PRR14L: variants seen among roughly 807,000 people sequenced by gnomAD.
PRR14L encodes the protein protein PRR14L.
In PRR14L, 80 loss-of-function variants were observed where a neutral mutation model predicts 155.0. The observed-to-expected ratio is 0.52, with a 90% CI of 0.43 to 0.62. The LOEUF is 0.62. PRR14L is among the 20% of genes least tolerant of loss of function. The pLI, the probability that PRR14L is intolerant of heterozygous loss-of-function variation, is 0.00. For synonymous variants in PRR14L, 883 were observed against 916.0 expected, an observed-to-expected ratio of 0.96 and a Z score of 0.65; for missense variants, 2,469 against 2,548.0, an observed-to-expected ratio of 0.97 and a Z score of 0.67.
chr22:31,694,522 C>T (rs1052251245), intron 7 of PRR14L, among the ~76,000 whole-genome samples: 1 of 151,804 alleles, frequency 6.6e-6, no homozygotes, highest in Admixed American at 6.6e-5. Flanking sequence ...CTGAGGTGGG[C>T]GGATCATGAG....
intron 7 of PRR14L, among the ~76,000 whole-genome samples, chr22:31,692,509 A>C (rs535498761): frequency 6.6e-6 from 1 of 152,340 alleles, no homozygotes; most frequent in African/African-American, 2.4e-5. Flanking sequence ...CATTTAAAAA[A>C]TATGGGTTAT....
intron 1 of PRR14L, among the ~76,000 whole-genome samples, chr22:31,743,088 G>A (rs192372261): frequency 2.6e-5 from 4 of 152,228 alleles, no homozygotes; most frequent in East Asian, 3.9e-4. Flanking sequence ...GGATCATGAG[G>A]TCAGGAGTTC....
chr22:31,713,745 T>A lies in PRR14L; in HGVS notation c.4094A>T (p.Asp1365Val), dbSNP rs1480711139. The change falls in exon 4 of 9, where the codon GAT becomes GTT. Residue 1365 changes from aspartate (D) to valine (V), a missense_variant. Asp to Val is a radical substitution (Grantham distance 152). This residue lies in a region of PRR14L where 2,363 missense variants were observed against 2,371.6 expected (regional missense o/e 1.00). Coordinates refer to ENST00000327423, the MANE Select transcript of PRR14L (RefSeq NM_173566.3). ...AGAGATGTTGCTCACGGGATCGCCA[T>A]CGCCAGTTTCTCTGGTAACCAACTC... ...SEELVTRETG[D>V]GDPVSNISQT... is the part of the protein sequence containing the mutation. The A allele has an allele frequency of 1.1e-5, 17 of 1,552,298 alleles. No homozygotes were observed. Among genetic ancestry groups the A allele is most frequent in the Non-Finnish European group, 1.4e-5 (16 of 1,147,156 alleles).
intron 7 of PRR14L, among the ~76,000 whole-genome samples, chr22:31,691,698 T>C (rs1230646951): frequency 6.6e-6 from 1 of 152,190 alleles, no homozygotes; most frequent in Non-Finnish European, 1.5e-5. Context: ...TGTTGTAGCA[T>C]GTATCAGTAC....
At chr22:31,688,901 TACAC>T (rs149232375) in intron 7 of PRR14L, among the ~76,000 whole-genome samples, 11 of 147,762 alleles carry the variant, frequency 7.4e-5, no homozygotes, top group African/African-American at 2.5e-4. Flanking sequence ...AATATATACA[TACAC>T]ACACACACAC....
intron 2 of PRR14L, among the ~76,000 whole-genome samples, chr22:31,738,154 T>C (rs1035491106): frequency 1.3e-5 from 2 of 152,218 alleles, no homozygotes; most frequent in Admixed American, 1.3e-4. Flanking sequence ...CAACATTTCA[T>C]ATACAGTCGC....
chr22:31,743,803 A>AAC, intron 1 of PRR14L, among the ~76,000 whole-genome samples: 1 of 142,632 alleles, frequency 7.0e-6, no homozygotes, highest in Admixed American at 7.1e-5. Flanking sequence ...CCCTGCCTCG[A>AAC]AAAAAAAAAA....
At chr22:31,700,557 C>G (rs2074557878) in intron 7 of PRR14L, among the ~76,000 whole-genome samples, 1 of 152,144 alleles carries the variant, frequency 6.6e-6, no homozygotes, top group South Asian at 2.1e-4. Context: ...TTAGACTGTA[C>G]AGAAATCTTT....
intron 7 of PRR14L, among the ~76,000 whole-genome samples, chr22:31,694,439 T>C (rs527269745): frequency 2.6e-5 from 4 of 152,270 alleles, no homozygotes; most frequent in African/African-American, 7.2e-5. Flanking sequence ...CTGACCAACA[T>C]GGTGAAACCC....
intron 7 of PRR14L, among the ~76,000 whole-genome samples, chr22:31,694,365 C>T (rs915907256): frequency 8.6e-5 from 13 of 151,926 alleles, no homozygotes; most frequent in Admixed American, 3.9e-4. Flanking sequence ...CTACCACGCC[C>T]GGCCAGCAGC....
intron 7 of PRR14L, among the ~76,000 whole-genome samples, chr22:31,701,017 TG>T (rs1032291058): frequency 1.3e-3 from 200 of 150,136 alleles, no homozygotes; most frequent in African/African-American, 4.6e-3. Context: ...GACGGAGTTT[TG>T]CTCTTGTTGC....
In PRR14L at chr22:31,688,145, T is replaced by G. The variant is rs141627283; in HGVS notation, c.6179+11A>C. ...ATTCTTCCCTTTTATTTCCCAGCTA[T>G]AAGTACCTACCTGTTTGCAGGAGGA... On this transcript the variant is annotated intron_variant, in intron 8 of 8. Transcript: ENST00000327423. 29,235 of 1,597,740 alleles carry G rather than the reference T, an allele frequency of 0.018. 333 individuals carry two copies. Among genetic ancestry groups the G allele is most frequent in the Non-Finnish European group, 0.022 (25,240 of 1,173,300 alleles).
intron 7 of PRR14L, among the ~76,000 whole-genome samples, chr22:31,696,805 A>G (rs2074536786): frequency 2.0e-5 from 3 of 152,190 alleles, no homozygotes; most frequent in Admixed American, 2.0e-4. Flanking sequence ...TTAAGAGAGA[A>G]GAGTGCCTTT....
intron 8 of PRR14L, among the ~76,000 whole-genome samples, chr22:31,686,604 AT>A (rs958101632): frequency 3.4e-5 from 5 of 148,894 alleles, no homozygotes; most frequent in East Asian, 2.0e-4. Flanking sequence ...TTTAAAAAGA[AT>A]TTTTTTTTTG....
Position 31,685,605 on chromosome 22 carries a change from A to G in PRR14L, c.6378T>C (p.Ala2126=), listed in dbSNP as rs780213856. 3 of 1,551,914 alleles carry G rather than the reference A, an allele frequency of 1.9e-6. No homozygotes were observed. The highest frequency in any genetic ancestry group is 1.2e-5 in the South Asian group (1 of 84,064). ...KAAVQSRELD[A]LLIQKLMELE... ...GTTCCATTAGTTTCTGTATCAAAAGAGCATCCAGCTCTCGACTCTGCACAG... is the reference window on the plus strand; with the variant it reads ...GTTCCATTAGTTTCTGTATCAAAAGGGCATCCAGCTCTCGACTCTGCACAG... Residue 2126 remains alanine, a synonymous_variant, in exon 9 of 9, where the codon GCT becomes GCC. Transcript: ENST00000327423.
rs149914090 is a variant in PRR14L at position 31,714,444 on chromosome 22, C to A, written c.3395G>T (p.Cys1132Phe). 2 of 1,551,690 alleles carry A rather than the reference C, an allele frequency of 1.3e-6. No homozygotes were observed. The highest frequency in any genetic ancestry group is 2.7e-5 in the African/African-American group (2 of 73,146). The change falls in exon 4 of 9, where the codon TGT becomes TTT. Residue 1132 changes from cysteine (C) to phenylalanine (F), a missense_variant. This residue lies in a region of PRR14L where 2,363 missense variants were observed against 2,371.6 expected (regional missense o/e 1.00). Transcript: ENST00000327423. ...TAAAGATCTGCATACGTTTTCTTCA[C>A]ATGATTTTTTTATTTTGAGAAAGTC... is the stretch of plus-strand genomic sequence containing the variant. ...TVDFLKIKKS[C>F]EENVCRSLKD...
At chr22:31,687,791 C>T (rs1046042827) in intron 8 of PRR14L, among the ~76,000 whole-genome samples, 5 of 151,080 alleles carry the variant, frequency 3.3e-5, no homozygotes, top group Non-Finnish European at 5.9e-5. Flanking sequence ...CACTTGTAAT[C>T]CCAGCACTTT....
Position 31,738,576 on chromosome 22 carries a change from C to T in PRR14L, c.285G>A (p.Val95=). ...HGSEPGRCGL[V]DSTAGGSVAS... Reference sequence around the variant, plus strand: ...CCACAGAACCTCCTGCTGTGGAGTCCACTAGCCCACATCGCCCAGGCTCAC... The same window carrying T: ...CCACAGAACCTCCTGCTGTGGAGTCTACTAGCCCACATCGCCCAGGCTCAC... Residue 95 remains valine (V), a synonymous_variant, in exon 2 of 9, where the codon GTG becomes GTA. Coordinates refer to ENST00000327423, the MANE Select transcript of PRR14L (RefSeq NM_173566.3). 1.3e-6 allele frequency: 2 copies of T among 1,552,028 alleles called. No individual in the cohort carries two copies. Among genetic ancestry groups the T allele is most frequent in the Non-Finnish European group, 1.7e-6 (2 of 1,147,084 alleles).
At chr22:31,687,479 A>C (rs2074488114) in intron 8 of PRR14L, among the ~76,000 whole-genome samples, 1 of 148,742 alleles carries the variant, frequency 6.7e-6, no homozygotes, top group Non-Finnish European at 1.5e-5. Flanking sequence ...TCAGCCTCCC[A>C]AATAGCTGGG....
Sources: allele counts gnomAD v4.1 joint callset (sites outside exome capture counted in the v4.1 genomes callset), GRCh38; gene constraint gnomAD v4.1.1; regional missense constraint gnomAD v4.1.1; transcripts MANE v1.5; gene names NCBI Gene and HGNC (gene_info 2026-07-23, HGNC 2026-07-21).